PGAM5: variants seen among roughly 807,000 people sequenced by gnomAD.
PGAM5 encodes the protein PGAM family member 5, mitochondrial serine/threonine protein phosphatase, also known as serine/threonine-protein phosphatase PGAM5, mitochondrial.
In PGAM5, 25 loss-of-function variants were observed where a neutral mutation model predicts 30.6. The observed-to-expected ratio is 0.82, with a 90% CI of 0.60 to 1.14. PGAM5 has a LOEUF of 1.14. Among genes scored for constraint, PGAM5 ranks in the 50% most tolerant of loss-of-function variants. PGAM5 has a pLI of 0.00. For synonymous variants in PGAM5, 201 were observed against 179.1 expected, an observed-to-expected ratio of 1.12 and a Z score of -0.98; for missense variants, 384 against 408.5, an observed-to-expected ratio of 0.94 and a Z score of 0.52.
chr12:132,720,617 G>T, intron 5 of PGAM5, 61 bp from the exon 6 acceptor site: 2 of 1,493,144 alleles, frequency 1.3e-6, no homozygotes, highest in South Asian at 2.5e-5. Context: ...AGCTCAGCCC[G>T]TTTTAAGGAC....
At chr12:132,713,630 A>C (rs2043543688) in intron 1 of PGAM5, among the ~76,000 whole-genome samples, 1 of 152,120 alleles carries the variant, frequency 6.6e-6, no homozygotes, top group Non-Finnish European at 1.5e-5. Context: ...AGTAAATACC[A>C]GCAGGTTCGA....
At chr12:132,711,267 C>T (rs1565996905) in intron 1 of PGAM5, 200 bp downstream of exon 1, 1 of 340,334 alleles carries the variant, frequency 2.9e-6, no homozygotes. Context: ...TTCCCGCCGG[C>T]TTCTGTGGCC....
At chr12:132,715,546 G>C (rs1283264030) in intron 2 of PGAM5, among the ~76,000 whole-genome samples, 1 of 136,998 alleles carries the variant, frequency 7.3e-6, no homozygotes, top group Non-Finnish European at 1.5e-5. Context: ...ACTCCAGCCT[G>C]GGCGACAGAG....
rs76242113 is a variant in PGAM5, at chr12:132,711,789, A to G, written c.191+722A>G. 173 of 133,166 alleles carry G rather than the reference A, an allele frequency of 1.3e-3. 1 individual carries two copies. Among genetic ancestry groups the G allele is most frequent in the African/African-American group, 5.9e-3 (169 of 28,704 alleles). The allele number at this position is 133,166 out of a possible 1,614,324, so 8.2% of individuals were successfully genotyped here. A position where few individuals can be genotyped will look rare whatever the true frequency, so the allele number is the denominator to read the frequency against. The stretch of plus-strand genomic sequence containing the variant: ...TGAGCAACAGAGCCTGTCTCAAAGG[A>G]AAAAAAAAAAAAGTAGTGCAGGTTT... On this transcript the variant is annotated intron_variant, in intron 1 of 5. Transcript: ENST00000498926.
intron 5 of PGAM5, among the ~76,000 whole-genome samples, 159 bp from the exon 6 acceptor site, chr12:132,720,519 G>GTCTC (rs756947862): frequency 2.6e-5 from 4 of 151,946 alleles, no homozygotes; most frequent in Non-Finnish European, 5.9e-5. Flanking sequence ...GTGTTAGCTG[G>GTCTC]GATGGTCTCG....
chr12:132,712,660 C>A (rs183653226), intron 1 of PGAM5, among the ~76,000 whole-genome samples: 3 of 151,810 alleles, frequency 2.0e-5, no homozygotes, highest in African/African-American at 7.3e-5. Flanking sequence ...TTCTCCATGT[C>A]GGTCAGGCTG....
intron 2 of PGAM5, among the ~76,000 whole-genome samples, chr12:132,715,283 T>G (rs2043563869): frequency 6.6e-6 from 1 of 152,180 alleles, no homozygotes; most frequent in Non-Finnish European, 1.5e-5. Context: ...AAAATGTCCT[T>G]ACCTTGGCCG....
intron 1 of PGAM5, among the ~76,000 whole-genome samples, chr12:132,712,191 T>C (rs146557548): frequency 6.6e-6 from 1 of 152,260 alleles, no homozygotes; most frequent in East Asian, 1.9e-4. Context: ...TATATTAGTT[T>C]ATAATACATT....
At chr12:132,718,166 T>C in intron 5 of PGAM5, 46 bp downstream of exon 5, 4 of 1,607,902 alleles carry the variant, frequency 2.5e-6, no homozygotes, top group Non-Finnish European at 3.4e-6. Flanking sequence ...ATTTCAGACT[T>C]AGAGAAAAGC....
At position 132,717,812 on chromosome 12, in the gene PGAM5, C is replaced by T. The variant is rs770063462; in HGVS notation, c.585+14C>T. The T allele has an allele frequency of 7.6e-6, 12 of 1,578,176 alleles. No homozygotes were observed. The East Asian group carries it at 1.2e-4, about 15-fold the overall frequency. On this transcript the variant is annotated intron_variant, in intron 4 of 5. Transcript: ENST00000498926. The stretch of plus-strand genomic sequence containing the variant: ...CCGGAAGCTGTGGTAAAAACCTCCC[C>T]GGGGGGCAGCTGTGTCACCCTCGCC...
chr12:132,718,396 T>C (rs2043605850), intron 5 of PGAM5, among the ~76,000 whole-genome samples: 1 of 69,962 alleles, frequency 1.4e-5, no homozygotes, highest in South Asian at 5.5e-4. Flanking sequence ...TGGGGGGTCC[T>C]GAGTGGGGTG....
intron 2 of PGAM5, among the ~76,000 whole-genome samples, chr12:132,715,892 CCTTAA>C (rs2043572211): frequency 6.6e-6 from 1 of 152,134 alleles, no homozygotes; most frequent in African/African-American, 2.4e-5. Flanking sequence ...AAAAAAAAGC[CCTTAA>C]CTTTTAGCAA....
rs2043517287 is a variant in PGAM5, at chr12:132,711,074, G to T, written c.191+7G>T. 4.1e-6 allele frequency: 5 copies of T among 1,210,214 alleles called. No homozygotes were observed. Among genetic ancestry groups the T allele is most frequent in the East Asian group, 3.3e-5 (1 of 30,226 alleles). 75.0% of individuals were successfully genotyped at this position (1,210,214 alleles called of 1,614,324 possible). On this transcript the variant is annotated splice_region_variant and intron_variant, in intron 1 of 5. Coordinates refer to ENST00000498926, the MANE Select transcript of PGAM5 (RefSeq NM_001170543.2). ...GGGACCCCAACTGGGACAGGTGCGCGCGGGGCTGTTTGGGGCCGGGGTCGG... is the reference window on the plus strand; with the variant it reads ...GGGACCCCAACTGGGACAGGTGCGCTCGGGGCTGTTTGGGGCCGGGGTCGG...
intron 5 of PGAM5, chr12:132,719,084 G>A (rs80207108): frequency 7.8e-6 from 11 of 1,403,360 alleles, no homozygotes; most frequent in South Asian, 6.1e-5. Context: ...GGGCCCCTTG[G>A]GGGGCAGGGC....
chr12:132,714,907 G>A lies in PGAM5; in HGVS notation c.241G>A (p.Gly81Arg), dbSNP rs762554472. The change falls in exon 2 of 6, where the codon GGG becomes AGG. Residue 81 changes from glycine to arginine, a missense_variant. Gly to Arg is a moderately radical substitution (Grantham distance 125). Coordinates refer to ENST00000498926, the MANE Select transcript of PGAM5 (RefSeq NM_001170543.2). ...INVRKRNVES[G>R]EEELASKLDH... ...CGTGCGGAAGAGGAACGTGGAATCT[G>A]GGGAAGAAGAGCTGGCGTCCAAGCT... 53 of 1,613,750 alleles carry A rather than the reference G, an allele frequency of 3.3e-5. No homozygotes were observed. The highest frequency in any genetic ancestry group is 4.4e-5 in the Non-Finnish European group (52 of 1,180,002).
chr12:132,719,054 A>G, intron 5 of PGAM5: 3 of 1,420,466 alleles, frequency 2.1e-6, no homozygotes, highest in Non-Finnish European at 2.7e-6. Context: ...AAGGAGCTCC[A>G]GGGCTGCAGC....
rs1268101412 is a variant in PGAM5 at position 132,718,022 on chromosome 12, C to A, written c.621C>A (p.Ala207=). ...AAGACGGAGCCCGGATCGAGGCCGC[C>A]TTCCGGAACTACATCCACCGCGCAG... ...YYEDGARIEA[A]FRNYIHRADA... The change falls in exon 5 of 6, where the codon GCC becomes GCA. Residue 207 remains alanine, a synonymous_variant. Coordinates refer to ENST00000498926, the MANE Select transcript of PGAM5 (RefSeq NM_001170543.2). 1 of 1,612,700 alleles carries A rather than the reference C, an allele frequency of 6.2e-7. No homozygotes were observed. Among genetic ancestry groups the A allele is most frequent in the African/African-American group, 1.3e-5 (1 of 74,922 alleles).
intron 4 of PGAM5, 45 bp from the exon 5 acceptor site, chr12:132,717,942 C>G: frequency 6.2e-7 from 1 of 1,609,756 alleles, no homozygotes; most frequent in Non-Finnish European, 8.5e-7. Flanking sequence ...GACACCCGCC[C>G]TGCCCGAGCA....
At chr12:132,712,300 A>G (rs1313693598) in intron 1 of PGAM5, among the ~76,000 whole-genome samples, 3 of 152,076 alleles carry the variant, frequency 2.0e-5, no homozygotes, top group African/African-American at 7.2e-5. Context: ...ATGCCTCCGT[A>G]GGCATGTTTT....
Sources: gnomAD v4.1 joint callset for allele counts (sites outside exome capture counted in the v4.1 genomes callset) on GRCh38, gnomAD v4.1.1 for gene constraint, MANE v1.5 for transcripts, NCBI Gene and HGNC (gene_info 2026-07-23, HGNC 2026-07-21) for gene names.